The following TAF3 variants were observed in gnomAD, a reference collection of about 807,000 sequenced individuals.
The protein encoded by TAF3 is transcription initiation factor TFIID subunit 3.
In TAF3, 7 loss-of-function variants were observed where a neutral mutation model predicts 80.6. The observed-to-expected ratio is 0.09, with a 90% confidence interval of 0.05 to 0.16. The LOEUF is 0.16. Among genes scored for constraint, TAF3 ranks in the 10% least tolerant of loss-of-function variants. The probability of loss-of-function intolerance (pLI) is 1.00; values close to 1 mark genes in which losing one functional copy is unlikely to be tolerated. For missense variants in TAF3, 921 were observed against 1,140.2 expected, an observed-to-expected ratio of 0.81 and a Z score of 2.77; for synonymous variants, 444 against 446.1, an observed-to-expected ratio of 1.00 and a Z score of 0.06.
intron 2 of TAF3, among the ~76,000 whole-genome samples, chr10:7,922,476 C>G (rs1837772431): frequency 6.6e-6 from 1 of 151,984 alleles, no homozygotes; most frequent in African/African-American, 2.4e-5. Context: ...AAACAGATAC[C>G]TCAATATCTT....
intron 2 of TAF3, among the ~76,000 whole-genome samples, chr10:7,862,190 A>G (rs1033646322): frequency 6.6e-6 from 1 of 152,330 alleles, no homozygotes; most frequent in African/African-American, 2.4e-5. Flanking sequence ...GTTCTTGAAC[A>G]TAGTAATAAT....
intron 2 of TAF3, among the ~76,000 whole-genome samples, chr10:7,948,090 TCTCA>T (rs1273747564): frequency 2.0e-5 from 3 of 149,876 alleles, no homozygotes; most frequent in Non-Finnish European, 4.4e-5. Context: ...GGAGACAGGG[TCTCA>T]CTCTGTTGCC....
chr10:7,883,948 C>A (rs1248385640), intron 2 of TAF3, among the ~76,000 whole-genome samples: 4 of 152,174 alleles, frequency 2.6e-5, no homozygotes, highest in African/African-American at 9.7e-5. Flanking sequence ...CAGGGCATCA[C>A]ATGGCAAGGG....
chr10:7,886,975 C>T (rs939362369), intron 2 of TAF3, among the ~76,000 whole-genome samples: 1 of 152,074 alleles, frequency 6.6e-6, no homozygotes, highest in Non-Finnish European at 1.5e-5. Context: ...GTGGCTTACA[C>T]CTGTAATCCC....
In TAF3 at chr10:7,824,370, G is replaced by A; in HGVS notation, c.219G>A (p.Met73Ile). The change falls in exon 2 of 7, where the codon ATG becomes ATA. Residue 73 changes from methionine (M) to isoleucine (I), a missense_variant. Physicochemically the swap from Met to Ile is conservative, Grantham distance 10 (BLOSUM62 1). Around this residue, in one of 6 missense-constraint regions of TAF3, gnomAD observed 106 missense variants for 191.8 expected, o/e 0.55. Transcript: ENST00000344293. The part of the protein sequence containing the change: ...LDDVGEAFQL[M>I]GVSLHELEDY... ...ATGTTGGTGAAGCTTTCCAGCTGATGGGGGTTAGTCTACATGAACTAGAAG... is the reference window on the plus strand; with the variant it reads ...ATGTTGGTGAAGCTTTCCAGCTGATAGGGGTTAGTCTACATGAACTAGAAG... 1 of 1,614,132 alleles carries A rather than the reference G, an allele frequency of 6.2e-7. No homozygotes were observed. Among genetic ancestry groups the A allele is most frequent in the Non-Finnish European group, 8.5e-7 (1 of 1,179,996 alleles).
At chr10:7,981,626 C>A (rs1033453256) in intron 4 of TAF3, among the ~76,000 whole-genome samples, 1 of 152,130 alleles carries the variant, frequency 6.6e-6, no homozygotes. Context: ...TTTTCAGAAA[C>A]CACTTTACCT....
chr10:7,984,010 T>C (rs1038227537), intron 4 of TAF3, among the ~76,000 whole-genome samples: 10 of 152,218 alleles, frequency 6.6e-5, no homozygotes, highest in Non-Finnish European at 1.5e-4. Flanking sequence ...GGAAAGATGC[T>C]AACATTACCA....
intron 2 of TAF3, among the ~76,000 whole-genome samples, chr10:7,927,168 T>C (rs984548842): frequency 6.6e-6 from 1 of 152,230 alleles, no homozygotes. Flanking sequence ...ATACTCATCT[T>C]TCATGTCCAT....
At chr10:7,908,796 G>A (rs896670767) in intron 2 of TAF3, among the ~76,000 whole-genome samples, 4 of 152,246 alleles carry the variant, frequency 2.6e-5, no homozygotes, top group African/African-American at 9.6e-5. Context: ...TGTGTTTGAA[G>A]TGGTTATGAA....
In TAF3 at chr10:7,964,880, C is replaced by G; in HGVS notation, c.1370C>G (p.Thr457Ser). The part of the protein sequence containing the change: ...GSTPLPLSGG[T>S]SSSDNSWTMD... The stretch of plus-strand genomic sequence containing the variant: ...ACTCCTCTGCCTCTTTCCGGTGGAA[C>G]CTCAAGTTCCGATAACTCATGGACA... The change falls in exon 3 of 7, where the codon ACC becomes AGC. Residue 457 changes from threonine to serine, a missense_variant. Physicochemically the swap from Thr to Ser is moderately conservative, Grantham distance 58. Coordinates refer to ENST00000344293, the MANE Select transcript of TAF3 (RefSeq NM_031923.4). This position sits in a 1 kb window ranked among gnomAD's most constrained non-coding sequence, Gnocchi z 4.1. 1 of 1,614,172 alleles carries G rather than the reference C, an allele frequency of 6.2e-7. No homozygotes were observed. The highest frequency in any genetic ancestry group is 8.5e-7 in the Non-Finnish European group (1 of 1,180,032).
chr10:7,899,476 C>T (rs1301781601), intron 2 of TAF3, among the ~76,000 whole-genome samples: 2 of 152,224 alleles, frequency 1.3e-5, no homozygotes, highest in African/African-American at 4.8e-5. Flanking sequence ...TTGCATTTCT[C>T]TTTGCAGTGT....
intron 2 of TAF3, among the ~76,000 whole-genome samples, chr10:7,915,442 A>T (rs1837701859): frequency 7.1e-6 from 1 of 140,772 alleles, no homozygotes; most frequent in African/African-American, 2.6e-5. Context: ...CAGGAGATCG[A>T]GACCATCCTG....
intron 2 of TAF3, among the ~76,000 whole-genome samples, chr10:7,922,340 A>G (rs2131189936): frequency 6.6e-6 from 1 of 152,220 alleles, no homozygotes; most frequent in African/African-American, 2.4e-5. Context: ...GGACCAGTTT[A>G]TGAGTTAGAA....
intron 2 of TAF3, among the ~76,000 whole-genome samples, chr10:7,838,378 GTTTGT>G (rs1836873627): frequency 9.8e-6 from 1 of 102,280 alleles, no homozygotes; most frequent in Non-Finnish European, 2.1e-5. Context: ...TGTTGTTGTT[GTTTGT>G]TTGTTTGTTT....
At position 8,009,195 on chromosome 10, in the gene TAF3, G is replaced by T. The variant is rs12263465; in HGVS notation, c.2433G>T (p.Ala811=). 6.9e-7 allele frequency: 1 copy of T among 1,456,934 alleles called. No individual in the cohort carries two copies. The highest frequency in any genetic ancestry group is 2.5e-5 in the Admixed American group (1 of 39,410). The allele number at this position is 1,456,934 out of a possible 1,614,324, so 90.3% of individuals were successfully genotyped here. A position where few individuals can be genotyped will look rare whatever the true frequency, so the allele number is the denominator to read the frequency against. The change falls in exon 5 of 7, where the codon GCG becomes GCT. Residue 811 remains alanine (A), a synonymous_variant. Transcript: ENST00000344293. The surrounding 1 kb of genome is among the most constrained non-coding windows in gnomAD (Gnocchi z 4.1). ...PAPGPMLVSP[A]PVPLPLLAQA... Reference sequence around the variant, plus strand: ...CCGGCCCCATGCTCGTCAGCCCTGCGCCCGTGCCGCTGCCGCTGCTCGCCC... The same window carrying T: ...CCGGCCCCATGCTCGTCAGCCCTGCTCCCGTGCCGCTGCCGCTGCTCGCCC...
At chr10:7,947,493 A>C (rs1206749011) in intron 2 of TAF3, among the ~76,000 whole-genome samples, 1 of 152,216 alleles carries the variant, frequency 6.6e-6, no homozygotes, top group Non-Finnish European at 1.5e-5. Context: ...GAGGCCAGGT[A>C]AGAAAGCTAC....
Position 7,945,939 on chromosome 10 carries a change from G to C in TAF3, c.410-17981G>C, listed in dbSNP as rs530857473. Reference sequence around the variant, plus strand: ...CCTTGTCTTTTGTTTGTTAACCTCCGCATTGCCAGGCGGACACAGATCTTA... The same window carrying C: ...CCTTGTCTTTTGTTTGTTAACCTCCCCATTGCCAGGCGGACACAGATCTTA... On this transcript the variant is annotated intron_variant, in intron 2 of 6. Transcript: ENST00000344293. 2.6e-4 allele frequency among the ~76,000 whole-genome samples: 39 copies of C among 152,210 alleles called. 1 individual carries two copies. In the South Asian group the frequency reaches 3.7e-3, roughly 15 times the overall value.
At chr10:7,846,119 T>A (rs150937201) in intron 2 of TAF3, among the ~76,000 whole-genome samples, 1 of 151,964 alleles carries the variant, frequency 6.6e-6, no homozygotes, top group Non-Finnish European at 1.5e-5. Context: ...CCACCACGCC[T>A]AGCTAATTTT....
At chr10:7,818,986 G>A (rs1359625735) in intron 1 of TAF3, 111 bp downstream of exon 1, 1 of 1,129,084 alleles carries the variant, frequency 8.9e-7, no homozygotes, top group Non-Finnish European at 1.2e-6. Flanking sequence ...CCCGCCTCGA[G>A]ATCTGCTGTT....
Sources: gnomAD v4.1 joint callset for allele counts (sites outside exome capture counted in the v4.1 genomes callset) on GRCh38, gnomAD v4.1.1 for gene constraint, gnomAD v4.1.1 regional missense constraint, Gnocchi (gnomAD v3.1) non-coding constraint, MANE v1.5 for transcripts, NCBI Gene and HGNC (gene_info 2026-07-23, HGNC 2026-07-21) for gene names.